The following EDNRA variants were observed in gnomAD, a reference collection of about 807,000 sequenced individuals.
EDNRA encodes endothelin receptor type A, also known as endothelin-1 receptor.
In EDNRA, 11 loss-of-function variants were observed where a neutral mutation model predicts 41.4. The observed-to-expected ratio is 0.27, with a 90% CI of 0.17 to 0.44. The LOEUF (loss-of-function observed/expected upper bound fraction) is 0.44. Among genes scored for constraint, EDNRA ranks in the 20% least tolerant of loss-of-function variants. The pLI, the probability that EDNRA is intolerant of heterozygous loss-of-function variation, is 1.00. For synonymous variants in EDNRA, 172 were observed against 183.0 expected, an observed-to-expected ratio of 0.94 and a Z score of 0.49; for missense variants, 294 against 531.0, an observed-to-expected ratio of 0.55 and a Z score of 4.39.
chr4:147,483,538 G>A (rs1198971003), intron 1 of EDNRA, among the ~76,000 whole-genome samples: 1 of 152,010 alleles, frequency 6.6e-6, no homozygotes, highest in Non-Finnish European at 1.5e-5. Context: ...TCCAATACTC[G>A]CACTTTATAT....
intron 2 of EDNRA, among the ~76,000 whole-genome samples, chr4:147,508,335 C>T (rs944175633): frequency 4.6e-5 from 7 of 152,188 alleles, no homozygotes; most frequent in Admixed American, 2.6e-4. Context: ...AACGGGGTTT[C>T]GCCATGTTGT....
intron 3 of EDNRA, among the ~76,000 whole-genome samples, chr4:147,532,109 G>A (rs1436986499): frequency 3.4e-5 from 5 of 145,994 alleles, no homozygotes; most frequent in African/African-American, 7.6e-5. Context: ...TCAGGAGATC[G>A]AGACCATCCT....
rs1730879955 is a variant in EDNRA, at chr4:147,535,275, T to C, written c.748-602T>C. Among the ~76,000 whole-genome samples the C allele has an allele frequency of 2.0e-5, 3 of 152,226 alleles. No individual in the cohort carries two copies. In the South Asian group the frequency reaches 6.2e-4, roughly 32 times the overall value. On this transcript the variant is annotated intron_variant, in intron 4 of 7. Coordinates refer to ENST00000651419, the MANE Select transcript of EDNRA (RefSeq NM_001957.4). The stretch of plus-strand genomic sequence containing the variant: ...AGTTGAGATATGCTGCCTCAATAGT[T>C]TCCAGGTGGTAAGTATTAAAGGAGG...
intron 2 of EDNRA, among the ~76,000 whole-genome samples, chr4:147,516,031 G>T (rs1730102691): frequency 6.6e-6 from 1 of 152,176 alleles, no homozygotes; most frequent in Non-Finnish European, 1.5e-5. Flanking sequence ...GGGATCAGGG[G>T]CTTTAACTAT....
At chr4:147,484,590 C>A (rs565392066) in intron 1 of EDNRA, among the ~76,000 whole-genome samples, 30 of 152,252 alleles carry the variant, frequency 2.0e-4, no homozygotes, top group African/African-American at 7.2e-4. Context: ...GGGCATCATG[C>A]ACATATAGTA....
rs773903028 is a variant in EDNRA at position 147,533,023 on chromosome 4, GTGTA to G, written c.747+321_747+324del. Among the ~76,000 whole-genome samples the G allele has an allele frequency of 3.0e-4, 39 of 129,842 alleles. No individual in the cohort carries two copies. The East Asian group carries it at 3.3e-3, about 11-fold the overall frequency. 85.2% of individuals were successfully genotyped at this position (129,842 alleles called of 152,430 possible). A position where few individuals can be genotyped will look rare whatever the true frequency, so the allele number is the denominator to read the frequency against. ...TGTGTGTATGTGTGTGTGTGTGTGT[GTGTA>G]TATATATATATACATATGCTATTTG... On this transcript the variant is annotated intron_variant, in intron 4 of 7. Transcript: ENST00000651419.
At chr4:147,536,157 T>C in intron 5 of EDNRA, 128 bp downstream of exon 5, 1 of 1,151,934 alleles carries the variant, frequency 8.7e-7, no homozygotes, top group Non-Finnish European at 1.2e-6. Flanking sequence ...CTGTAACTGT[T>C]TTCTTTATAG....
intron 3 of EDNRA, among the ~76,000 whole-genome samples, chr4:147,525,481 G>GA (rs767974262): frequency 6.6e-6 from 1 of 151,216 alleles, no homozygotes; most frequent in Non-Finnish European, 1.5e-5. Flanking sequence ...CTTCTATAAT[G>GA]AATAAACTTT....
At position 147,485,882 on chromosome 4, in the gene EDNRA, C is replaced by T. The variant is rs1728929210; in HGVS notation, c.201C>T (p.Asn67=). ...LVLPSNGSMH[N]YCPQQTKITS... is the part of the protein sequence containing the mutation. Reference sequence around the variant, plus strand: ...TACCCAGCAATGGCTCAATGCACAACTATTGCCCACAGCAGACTAAAATTA... The same window carrying T: ...TACCCAGCAATGGCTCAATGCACAATTATTGCCCACAGCAGACTAAAATTA... The change falls in exon 2 of 8, where the codon AAC becomes AAT. Residue 67 remains asparagine, a synonymous_variant. Transcript: ENST00000651419. 1 of 1,614,272 alleles carries T rather than the reference C, an allele frequency of 6.2e-7. No homozygotes were observed. The highest frequency in any genetic ancestry group is 1.3e-5 in the African/African-American group (1 of 75,074).
Position 147,481,196 on chromosome 4 carries a change from C to T in EDNRA, c.-251C>T, listed in dbSNP as rs1489158733. The T allele has an allele frequency of 6.6e-6, 1 of 152,580 alleles. No homozygotes were observed. Among genetic ancestry groups the T allele is most frequent in the Non-Finnish European group, 1.5e-5 (1 of 68,176 alleles). The allele number at this position is 152,580 out of a possible 1,614,324, so 9.5% of individuals were successfully genotyped here. A position where few individuals can be genotyped will look rare whatever the true frequency, so the allele number is the denominator to read the frequency against. On this transcript the variant is annotated 5_prime_UTR_variant, in exon 1 of 8. Transcript: ENST00000651419. Reference sequence around the variant, plus strand: ...GATTGGGGTCCCAGCGAGACCTCCCCGGGAGAAGCAGTGCCCAGGAGGTTT... The same window carrying T: ...GATTGGGGTCCCAGCGAGACCTCCCTGGGAGAAGCAGTGCCCAGGAGGTTT...
At chr4:147,481,579 G>A (rs1222467367) in intron 1 of EDNRA, among the ~76,000 whole-genome samples, 1 of 152,254 alleles carries the variant, frequency 6.6e-6, no homozygotes, top group Non-Finnish European at 1.5e-5. Flanking sequence ...CCTTCCGTGA[G>A]GGGTGCGCTG....
chr4:147,499,244 T>C (rs1004440713), intron 2 of EDNRA, among the ~76,000 whole-genome samples: 2 of 152,118 alleles, frequency 1.3e-5, no homozygotes, highest in East Asian at 3.8e-4. Flanking sequence ...TTTGTAAAGA[T>C]GGGGTCTCAT....
intron 4 of EDNRA, among the ~76,000 whole-genome samples, chr4:147,534,212 C>G (rs1730843579): frequency 6.6e-6 from 1 of 152,132 alleles, no homozygotes; most frequent in Non-Finnish European, 1.5e-5. Context: ...CCAGCAAATG[C>G]ACCCGGAAAA....
chr4:147,492,836 CT>C (rs1729184970), intron 2 of EDNRA: 4 of 152,108 alleles, frequency 2.6e-5, no homozygotes, highest in Non-Finnish European at 5.9e-5. Flanking sequence ...AAGGAAGTTG[CT>C]GTCTGGAAAG....
intron 3 of EDNRA, among the ~76,000 whole-genome samples, chr4:147,527,038 CAA>C (rs1730579904): frequency 6.6e-6 from 1 of 152,188 alleles, no homozygotes; most frequent in Non-Finnish European, 1.5e-5. Context: ...TACAAATGAT[CAA>C]GTTTGCTGTT....
chr4:147,516,929 A>G (rs1730134736), intron 2 of EDNRA, among the ~76,000 whole-genome samples: 1 of 152,176 alleles, frequency 6.6e-6, no homozygotes, highest in South Asian at 2.1e-4. Context: ...ACTCCAGGAA[A>G]AAAAGATCAT....
intron 2 of EDNRA, among the ~76,000 whole-genome samples, chr4:147,497,150 T>C (rs11732422): frequency 1.3e-5 from 1 of 76,542 alleles, no homozygotes; most frequent in African/African-American, 1.1e-4. Flanking sequence ...AGAATTCTTC[T>C]TTTTTTTTTT....
chr4:147,529,036 G>C (rs1385018890), intron 3 of EDNRA, among the ~76,000 whole-genome samples: 1 of 152,218 alleles, frequency 6.6e-6, no homozygotes, highest in African/African-American at 2.4e-5. Context: ...AGATCAGTTA[G>C]GAAGCTATGG....
At chr4:147,523,560 G>A (rs567742250) in intron 3 of EDNRA, among the ~76,000 whole-genome samples, 9 of 149,750 alleles carry the variant, frequency 6.0e-5, no homozygotes, top group South Asian at 2.1e-4. Context: ...GCTTGATCTC[G>A]GCTCACTGCA....
Sources: allele counts gnomAD v4.1 joint callset (sites outside exome capture counted in the v4.1 genomes callset), GRCh38; gene constraint gnomAD v4.1.1; transcripts MANE v1.5; gene names NCBI Gene and HGNC (gene_info 2026-07-23, HGNC 2026-07-21).